Variants in DNMT3A observed in about 807,000 individuals in gnomAD.
The protein encoded by DNMT3A is DNA methyltransferase 3 alpha, also known as DNA (cytosine-5)-methyltransferase 3A.
In DNMT3A, 267 loss-of-function variants were observed where a neutral mutation model predicts 117.6. That is an observed-to-expected ratio of 2.27 (90% CI 2.05 to 2.51). DNMT3A has a LOEUF of 2.51. DNMT3A is among the 30% of genes most tolerant of loss of function. The probability of loss-of-function intolerance (pLI) is 0.00; values close to 1 mark genes in which losing one functional copy is unlikely to be tolerated. For missense variants in DNMT3A, 1,029 were observed against 1,260.2 expected, an observed-to-expected ratio of 0.82 and a Z score of 2.78; for synonymous variants, 432 against 474.8, an observed-to-expected ratio of 0.91 and a Z score of 1.17.
intron 1 of DNMT3A, among the ~76,000 whole-genome samples, chr2:25,320,498 T>C (rs527838114): frequency 6.6e-6 from 1 of 152,204 alleles, no homozygotes; most frequent in African/African-American, 2.4e-5. Context: ...AATTATTATG[T>C]GTCAGTTAAA....
In DNMT3A at chr2:25,243,918, A is replaced by T; in HGVS notation, c.1916T>A (p.Leu639His). 1.3e-6 allele frequency: 2 copies of T among 1,552,082 alleles called. No homozygotes were observed. The highest frequency in any genetic ancestry group is 1.7e-6 in the Non-Finnish European group (2 of 1,147,104). Reference sequence around the variant, plus strand: ...CTCACCTGTAGCGATTCCATCAAAGAGAGACAGCACCCGGATGGGCTTCCT... The same window carrying T: ...CTCACCTGTAGCGATTCCATCAAAGTGAGACAGCACCCGGATGGGCTTCCT... Reference protein sequence around the residue: ...EKRKPIRVLSLFDGIATGLLV... With the variant: ...EKRKPIRVLSHFDGIATGLLV... The change falls in exon 16 of 23, where the codon CTC (leucine) becomes CAC (histidine). Residue 639 changes from leucine (L) to histidine (H), a missense_variant. By Grantham distance (99) the Leu-to-His change is moderately conservative. Coordinates refer to ENST00000321117, the MANE Select transcript of DNMT3A (RefSeq NM_022552.5).
rs757785566 is a variant in DNMT3A at position 25,244,153 on chromosome 2, A to G, written c.1851+2T>C. The G allele has an allele frequency of 6.2e-7, 1 of 1,613,930 alleles. No homozygotes were observed. The highest frequency in any genetic ancestry group is 1.1e-5 in the South Asian group (1 of 91,078). On this transcript the variant is annotated splice_donor_variant, in intron 15 of 22. Transcript: ENST00000321117. LOFTEE classifies it high-confidence loss of function. The stretch of plus-strand genomic sequence containing the variant: ...AGACCGCGCCCCAGGCCCAGCACTC[A>G]CAAATTCCTGGTCGTGGTTATTAGC...
intron 1 of DNMT3A, among the ~76,000 whole-genome samples, chr2:25,329,670 ACC>A (rs774160995): frequency 0.025 from 2,777 of 110,708 alleles, 102 homozygotes; most frequent in African/African-American, 0.086. Context: ...AGTCATGCAG[ACC>A]CCACACACAC....
rs140358834 is a variant in DNMT3A at position 25,237,438 on chromosome 2, A to G, written c.2409-433T>C. 6.6e-6 allele frequency among the ~76,000 whole-genome samples: 1 copy of G among 152,304 alleles called. No homozygotes were observed. The highest frequency in any genetic ancestry group is 1.5e-5 in the Non-Finnish European group (1 of 68,024). On this transcript the variant is annotated intron_variant, in intron 20 of 22. Coordinates refer to ENST00000321117, the MANE Select transcript of DNMT3A (RefSeq NM_022552.5). The surrounding 1 kb of genome is among the most constrained non-coding windows in gnomAD (Gnocchi z 5.4). The stretch of plus-strand genomic sequence containing the variant: ...ACGGGTGTGTCCACTGGATGAAATT[A>G]ATCAAACCGCAAGCCTTAAATGTAC...
chr2:25,329,221 C>G (rs2149445288), intron 1 of DNMT3A, among the ~76,000 whole-genome samples: 1 of 152,278 alleles, frequency 6.6e-6, no homozygotes, highest in South Asian at 2.1e-4. Context: ...ATCTCAGAAC[C>G]ATGGGCCCTG....
Position 25,235,163 on chromosome 2 carries a change from C to T in DNMT3A, c.2597+544G>A, listed in dbSNP as rs1673208661. ...GCAGGGTCTCTGGGAGACAAGGCAG[C>T]AGGGGATTTCCTAGACTCCTCTTTT... On this transcript the variant is annotated intron_variant, in intron 22 of 22. Coordinates refer to ENST00000321117, the MANE Select transcript of DNMT3A (RefSeq NM_022552.5). 3.3e-5 allele frequency among the ~76,000 whole-genome samples: 5 copies of T among 151,044 alleles called. 1 individual carries two copies. The South Asian group carries it at 1.0e-3, about 32-fold the overall frequency.
At chr2:25,259,774 C>T (rs183440442) in intron 6 of DNMT3A, among the ~76,000 whole-genome samples, 2 of 152,128 alleles carry the variant, frequency 1.3e-5, no homozygotes, top group Non-Finnish European at 2.9e-5. Context: ...CTAAAGGAGC[C>T]GCATTCAGAT....
chr2:25,333,206 C>T (rs978651283), intron 1 of DNMT3A, among the ~76,000 whole-genome samples: 10 of 111,832 alleles, frequency 8.9e-5, no homozygotes, highest in Non-Finnish European at 1.7e-4. Context: ...ATCCCTGCCA[C>T]TCCCCTGTGG....
At position 25,300,712 on chromosome 2, in the gene DNMT3A, AATATATATATATATAT is replaced by A. The variant is rs3039391; in HGVS notation, c.73-485_73-470del. ...ATATATTTATATATCTAAATAATAT[AATATATATATATATAT>A]ATATATATATATATATATATATATA... On this transcript the variant is annotated intron_variant, in intron 2 of 22. Transcript: ENST00000321117. Among the ~76,000 whole-genome samples the A allele has an allele frequency of 4.8e-3, 90 of 18,918 alleles. 2 individuals carry two copies. Among genetic ancestry groups the A allele is most frequent in the Non-Finnish European group, 5.2e-3 (51 of 9,784 alleles). 12.4% of individuals were successfully genotyped at this position (18,918 alleles called of 152,430 possible).
At chr2:25,244,779 C>A in intron 13 of DNMT3A, 127 bp from the exon 14 acceptor site, 1 of 754,980 alleles carries the variant, frequency 1.3e-6, no homozygotes. Flanking sequence ...ACCACCTTAG[C>A]CAGGGTCAGG....
At chr2:25,341,393 G>A (rs1392937910) in intron 1 of DNMT3A, among the ~76,000 whole-genome samples, 1 of 145,440 alleles carries the variant, frequency 6.9e-6, no homozygotes, top group African/African-American at 2.5e-5. Context: ...AGGCGGGGCC[G>A]CGGGGCTGGG....
chr2:25,288,592 A>G (rs539640344), intron 3 of DNMT3A, among the ~76,000 whole-genome samples: 29 of 152,014 alleles, frequency 1.9e-4, no homozygotes, highest in Non-Finnish European at 2.5e-4. Context: ...TTACAGGCGT[A>G]AGCCACTGTG....
chr2:25,228,803 A>C lies in DNMT3A; in HGVS notation c.*5476T>G, dbSNP rs1001106383. ...TGTTGAATTCTAGGGCTGTGCAACC[A>C]AATCGGTCTGTGAAGTGAAATGGGA... On this transcript the variant is annotated 3_prime_UTR_variant, in exon 23 of 23. Transcript: ENST00000321117. The C allele has an allele frequency of 3.9e-5, 6 of 152,222 alleles. No individual in the cohort carries two copies. Among genetic ancestry groups the C allele is most frequent in the African/African-American group, 1.4e-4 (6 of 41,458 alleles). The allele number at this position is 152,222 out of a possible 1,614,324, so 9.4% of individuals were successfully genotyped here.
rs531571240 is a variant in DNMT3A, at chr2:25,332,108, C to T, written c.-178+9718G>A. On this transcript the variant is annotated intron_variant, in intron 1 of 22. Transcript: ENST00000321117. ...GCCAGCCTTCCACCCGGGCTCCCTG[C>T]CCCTAAACCCTATTGCCCGAGCTCT... is the stretch of plus-strand genomic sequence containing the variant. 6.4e-4 allele frequency among the ~76,000 whole-genome samples: 97 copies of T among 152,324 alleles called. No homozygotes were observed. In the South Asian group the frequency reaches 0.01, roughly 16 times the overall value.
rs1473591527 is a variant in DNMT3A at position 25,233,789 on chromosome 2, A to G, written c.*490T>C. The G allele has an allele frequency of 4.7e-6, 1 of 214,514 alleles. No homozygotes were observed. 13.3% of individuals were successfully genotyped at this position (214,514 alleles called of 1,614,324 possible). The stretch of plus-strand genomic sequence containing the variant: ...TAAAAAAAAAAACCCAAAAAAAAAA[A>G]ACAAAAAACAAAAAAAAAAACAACC... On this transcript the variant is annotated 3_prime_UTR_variant, in exon 23 of 23. Transcript: ENST00000321117.
intron 3 of DNMT3A, among the ~76,000 whole-genome samples, chr2:25,285,653 A>T (rs1316887343): frequency 6.6e-6 from 1 of 152,220 alleles, no homozygotes; most frequent in Non-Finnish European, 1.5e-5. Flanking sequence ...ATGCCAGCAG[A>T]GCCAGGAAGG....
chr2:25,237,422 T>G lies in DNMT3A; in HGVS notation c.2409-417A>C, dbSNP rs557344763. Among the ~76,000 whole-genome samples, 1 of 152,316 alleles carries G rather than the reference T, an allele frequency of 6.6e-6. No individual in the cohort carries two copies. Among genetic ancestry groups the G allele is most frequent in the South Asian group, 2.1e-4 (1 of 4,830 alleles). On this transcript the variant is annotated intron_variant, in intron 20 of 22. Transcript: ENST00000321117. The surrounding 1 kb of genome is among the most constrained non-coding windows in gnomAD (Gnocchi z 5.4). ...TTGTGGTGATTGTTACACGGGTGTG[T>G]CCACTGGATGAAATTAATCAAACCG...
intron 1 of DNMT3A, among the ~76,000 whole-genome samples, chr2:25,323,979 G>A (rs2034695949): frequency 6.6e-6 from 1 of 152,188 alleles, no homozygotes; most frequent in Non-Finnish European, 1.5e-5. Flanking sequence ...GAAGCTCACA[G>A]CTCTCCACTC....
In DNMT3A at chr2:25,284,734, AC is replaced by A. The variant is rs375024131; in HGVS notation, c.178-2024del. Among the ~76,000 whole-genome samples, 572 of 148,554 alleles carry A rather than the reference AC, an allele frequency of 3.9e-3. 3 individuals are homozygous for A. Among genetic ancestry groups the A allele is most frequent in the African/African-American group, 0.014 (555 of 40,082 alleles). On this transcript the variant is annotated intron_variant, in intron 3 of 22. Coordinates refer to ENST00000321117, the MANE Select transcript of DNMT3A (RefSeq NM_022552.5). ...GTTAAAGCTCCTATTTCAGCTCCCT[AC>A]CCCCAAAATCTCTCCCCTAAGGTAC...
Sources: allele counts gnomAD v4.1 joint callset (sites outside exome capture counted in the v4.1 genomes callset), GRCh38; gene constraint gnomAD v4.1.1; non-coding constraint Gnocchi (gnomAD v3.1); transcripts MANE v1.5; gene names NCBI Gene and HGNC (gene_info 2026-07-23, HGNC 2026-07-21).